TMPRSS12: variants seen among roughly 807,000 people sequenced by gnomAD.
TMPRSS12 encodes transmembrane serine protease 12, also known as transmembrane protease serine 12.
Under a neutral mutation model 26.0 loss-of-function variants are expected in TMPRSS12, and 25 were observed. The ratio of observed to expected loss-of-function variants is 0.96; its 90% CI spans 0.70 to 1.34. TMPRSS12 has a LOEUF of 1.34. Among genes scored for constraint, TMPRSS12 ranks in the 40% most tolerant of loss-of-function variants. The pLI, the probability that TMPRSS12 is intolerant of heterozygous loss-of-function variation, is 0.00. For missense variants in TMPRSS12, 441 were observed against 440.1 expected, an observed-to-expected ratio of 1.00 and a Z score of -0.02; for synonymous variants, 150 against 161.7, an observed-to-expected ratio of 0.93 and a Z score of 0.55.
intron 3 of TMPRSS12, among the ~76,000 whole-genome samples, chr12:50,884,284 G>A (rs7957749): frequency 0.63 from 95,109 of 151,910 alleles, 29,858 homozygotes; most frequent in South Asian, 0.69. Flanking sequence ...AATACTAGAA[G>A]AAGGTACACA....
chr12:50,875,761 G>C (rs1024833988), intron 3 of TMPRSS12, among the ~76,000 whole-genome samples: 11 of 152,004 alleles, frequency 7.2e-5, no homozygotes, highest in Admixed American at 3.9e-4. Flanking sequence ...CTCAAGATGG[G>C]TTAAAGATTT....
intron 3 of TMPRSS12, among the ~76,000 whole-genome samples, chr12:50,876,533 G>A (rs371428998): frequency 3.3e-4 from 50 of 152,126 alleles, no homozygotes; most frequent in African/African-American, 1.0e-3. Flanking sequence ...GGCCGGGTGC[G>A]GTGGCTCACG....
At chr12:50,879,095 G>A (rs1938140558) in intron 3 of TMPRSS12, among the ~76,000 whole-genome samples, 1 of 152,192 alleles carries the variant, frequency 6.6e-6, no homozygotes, top group Non-Finnish European at 1.5e-5. Context: ...TGTTTATTAA[G>A]CAACTGTTTA....
chr12:50,843,196 T>C (rs947653448), intron 1 of TMPRSS12, 45 bp downstream of exon 1: 1 of 1,492,360 alleles, frequency 6.7e-7, no homozygotes, highest in African/African-American at 1.4e-5. Context: ...CTCTTACCTT[T>C]TCCCCACCGC....
At chr12:50,863,108 T>G (rs571200896) in intron 3 of TMPRSS12, among the ~76,000 whole-genome samples, 1 of 151,882 alleles carries the variant, frequency 6.6e-6, no homozygotes, top group Admixed American at 6.5e-5. Flanking sequence ...GAGTTCGAGG[T>G]TATGGTGAGC....
At chr12:50,872,104 A>G (rs7315561) in intron 3 of TMPRSS12, among the ~76,000 whole-genome samples, 46,831 of 152,032 alleles carry the variant, frequency 0.31, 7,294 homozygotes, top group East Asian at 0.44. Context: ...TCTACCCAGA[A>G]GAAAAGAAGT....
Position 50,887,290 on chromosome 12 carries a change from A to G in TMPRSS12, c.824A>G (p.Tyr275Cys). The G allele has an allele frequency of 6.2e-7, 1 of 1,613,884 alleles. No individual in the cohort carries two copies. Residue 275 changes from tyrosine to cysteine, a missense_variant, in exon 5 of 5, where the codon TAC (tyrosine) becomes TGC (cysteine). Transcript: ENST00000398458. ...RGDSGGPLMC[Y>C]LPEYKRFFVM... ...GACAGTGGGGGACCATTAATGTGCT[A>G]CTTACCAGAATATAAAAGATTTTTT...
At chr12:50,882,020 TATATATATATATATATATATATG>T (rs1938178590) in intron 3 of TMPRSS12, among the ~76,000 whole-genome samples, 1 of 88,820 alleles carries the variant, frequency 1.1e-5, no homozygotes, top group Non-Finnish European at 2.0e-5. Context: ...TATATATATA[TATATATATATATATATATATATG>T]TTTATTTAGT....
intron 3 of TMPRSS12, among the ~76,000 whole-genome samples, chr12:50,879,606 T>C (rs1022362363): frequency 6.6e-6 from 1 of 152,188 alleles, no homozygotes; most frequent in Non-Finnish European, 1.5e-5. Flanking sequence ...AAGAAGGGTC[T>C]GACTAGAAAA....
At position 50,856,468 on chromosome 12, in the gene TMPRSS12, AC is replaced by A. The variant is rs1385078219; in HGVS notation, c.384-2315del. ...AGAATGGCCAAATACATATGAATGTACCACTGTTTGTTAATCCATCTACTAT... is the reference window on the plus strand; with the variant it reads ...AGAATGGCCAAATACATATGAATGTACACTGTTTGTTAATCCATCTACTAT... On this transcript the variant is annotated intron_variant, in intron 2 of 4. Coordinates refer to ENST00000398458, the MANE Select transcript of TMPRSS12 (RefSeq NM_182559.3). 2.0e-5 allele frequency among the ~76,000 whole-genome samples: 3 copies of A among 152,316 alleles called. 1 individual carries two copies.
At chr12:50,874,537 A>G (rs772022516) in intron 3 of TMPRSS12, among the ~76,000 whole-genome samples, 1 of 152,180 alleles carries the variant, frequency 6.6e-6, no homozygotes, top group African/African-American at 2.4e-5. Context: ...AAAATTCTCA[A>G]AAGAAATAGC....
At chr12:50,873,754 T>C (rs10783397) in intron 3 of TMPRSS12, among the ~76,000 whole-genome samples, 46,868 of 151,976 alleles carry the variant, frequency 0.31, 7,306 homozygotes, top group East Asian at 0.44. Flanking sequence ...CTTCAATGCA[T>C]AGTATAGTTC....
chr12:50,846,953 G>A (rs1198853184), intron 2 of TMPRSS12, among the ~76,000 whole-genome samples: 1 of 151,446 alleles, frequency 6.6e-6, no homozygotes, highest in Admixed American at 6.6e-5. Context: ...TTAGCTATTT[G>A]GAGTCTCTTA....
intron 3 of TMPRSS12, among the ~76,000 whole-genome samples, chr12:50,862,683 G>A (rs573502423): frequency 6.6e-6 from 1 of 152,094 alleles, no homozygotes; most frequent in South Asian, 2.1e-4. Flanking sequence ...GTACCACCAC[G>A]CCCAGTTAAT....
intron 1 of TMPRSS12, among the ~76,000 whole-genome samples, chr12:50,843,434 A>C (rs1474954564): frequency 4.6e-5 from 7 of 152,192 alleles, no homozygotes; most frequent in Non-Finnish European, 8.8e-5. Context: ...AGGGAGGGCT[A>C]TTAGGTGACC....
chr12:50,871,103 A>T (rs1419644395), intron 3 of TMPRSS12, among the ~76,000 whole-genome samples: 2 of 152,128 alleles, frequency 1.3e-5, no homozygotes, highest in Non-Finnish European at 2.9e-5. Flanking sequence ...GAATTCTAAA[A>T]TTCATATGGA....
chr12:50,876,413 A>G lies in TMPRSS12; in HGVS notation c.653-8833A>G, dbSNP rs186995131. 1.0e-3 allele frequency among the ~76,000 whole-genome samples: 154 copies of G among 152,354 alleles called. 1 individual carries two copies. Among genetic ancestry groups the G allele is most frequent in the African/African-American group, 3.5e-3 (145 of 41,588 alleles). On this transcript the variant is annotated intron_variant, in intron 3 of 4. Coordinates refer to ENST00000398458, the MANE Select transcript of TMPRSS12 (RefSeq NM_182559.3). Reference sequence around the variant, plus strand: ...TTACTCTGTATCTATCCAAAGGAATATAAATCATTCTACCAAAAAGACGCA... The same window carrying G: ...TTACTCTGTATCTATCCAAAGGAATGTAAATCATTCTACCAAAAAGACGCA...
intron 4 of TMPRSS12, 101 bp from the exon 5 acceptor site, chr12:50,887,161 T>C (rs1938235059): frequency 8.2e-7 from 1 of 1,222,642 alleles, no homozygotes; most frequent in South Asian, 1.7e-5. Context: ...AAAATGTGTA[T>C]TTATATAAAT....
intron 3 of TMPRSS12, among the ~76,000 whole-genome samples, chr12:50,860,267 T>A (rs911464834): frequency 1.3e-5 from 2 of 152,222 alleles, no homozygotes; most frequent in Non-Finnish European, 2.9e-5. Context: ...TATATTTTTT[T>A]AGTGTACTTA....
Sources: allele counts gnomAD v4.1 joint callset (sites outside exome capture counted in the v4.1 genomes callset), GRCh38; gene constraint gnomAD v4.1.1; transcripts MANE v1.5; gene names NCBI Gene and HGNC (gene_info 2026-07-23, HGNC 2026-07-21).